The following KLRD1 variants were observed in gnomAD, a reference collection of about 807,000 sequenced individuals.
The protein encoded by KLRD1 is natural killer cells antigen CD94.
A neutral mutation model predicts 22.6 loss-of-function variants in KLRD1; 21 were observed. The observed-to-expected ratio is 0.93, with a 90% CI of 0.66 to 1.34. The LOEUF is 1.34. Among genes scored for constraint, KLRD1 ranks in the 40% most tolerant of loss-of-function variants. The pLI is 0.00. For missense variants in KLRD1, 183 were observed against 208.6 expected, an observed-to-expected ratio of 0.88 and a Z score of 0.76; for synonymous variants, 59 against 71.1, an observed-to-expected ratio of 0.83 and a Z score of 0.85.
intron 1 of KLRD1, among the ~76,000 whole-genome samples, chr12:10,281,887 C>G (rs1294498060): frequency 1.3e-5 from 2 of 152,098 alleles, no homozygotes; most frequent in African/African-American, 4.8e-5. Flanking sequence ...TGAGGGAAAC[C>G]TTGGTCATAA....
chr12:10,266,482 T>C (rs1949500116), intron 1 of KLRD1, among the ~76,000 whole-genome samples: 1 of 152,130 alleles, frequency 6.6e-6, no homozygotes, highest in African/African-American at 2.4e-5. Context: ...TATTTAACTG[T>C]TATACTTTTG....
intron 1 of KLRD1, among the ~76,000 whole-genome samples, chr12:10,246,457 A>G (rs1949292129): frequency 6.6e-6 from 1 of 152,192 alleles, no homozygotes; most frequent in Admixed American, 6.5e-5. Flanking sequence ...TACAGTTCAG[A>G]ATTATCCTCT....
rs1452046103 is a variant in KLRD1 at position 10,309,813 on chromosome 12, G to C, written c.163+125G>C. ...AATAGAAATTTGCCTACCAGTGTAG[G>C]ATAGTCTCATTTTACATTGCTCAAT... On this transcript the variant is annotated intron_variant, in intron 3 of 5. Transcript: ENST00000336164. 4.4e-6 allele frequency: 3 copies of C among 676,044 alleles called. No homozygotes were observed. The East Asian group carries it at 8.1e-5, about 18-fold the overall frequency. The allele number at this position is 676,044 out of a possible 1,614,324, so 41.9% of individuals were successfully genotyped here.
rs2137756149 is a variant in KLRD1 at position 10,326,250 on chromosome 12, T to C, written c.*11457T>C. ...TATGATTTGCAATTATTTTCTCCCA[T>C]TCTGTAGATCATCCTTTCATTCCAT... On this transcript the variant is annotated 3_prime_UTR_variant, in exon 6 of 6. Transcript: ENST00000336164. The C allele has an allele frequency of 6.6e-6, 1 of 152,312 alleles. No individual in the cohort carries two copies. Among genetic ancestry groups the C allele is most frequent in the Middle Eastern group, 3.4e-3 (1 of 294 alleles). The allele number at this position is 152,312 out of a possible 1,614,324, so 9.4% of individuals were successfully genotyped here.
chr12:10,247,018 C>T (rs1189024770), intron 1 of KLRD1, among the ~76,000 whole-genome samples: 3 of 150,008 alleles, frequency 2.0e-5, no homozygotes, highest in African/African-American at 4.9e-5. Context: ...CTGCAACCTC[C>T]GCCTCCTGGG....
intron 1 of KLRD1, among the ~76,000 whole-genome samples, chr12:10,278,607 A>G (rs1302410060): frequency 6.6e-6 from 1 of 152,216 alleles, no homozygotes; most frequent in Admixed American, 6.5e-5. Flanking sequence ...TAACTTGTGT[A>G]TGCTATATAA....
At chr12:10,252,583 G>T (rs1470393409) in intron 1 of KLRD1, among the ~76,000 whole-genome samples, 1 of 152,122 alleles carries the variant, frequency 6.6e-6, no homozygotes, top group South Asian at 2.1e-4. Context: ...TGTTACTTAA[G>T]ATTTGAATTC....
Position 10,241,995 on chromosome 12 carries a change from G to T in KLRD1, c.-101+15762G>T, listed in dbSNP as rs915164317. On this transcript the variant is annotated intron_variant, in intron 1 of 5. Coordinates refer to the KLRD1 transcript ENST00000544747. The stretch of plus-strand genomic sequence containing the variant: ...GTTGCTGTATTCTTATAGGTCATTC[G>T]ATTCCTCTTGTTGAACTGGAGAAAC... Among the ~76,000 whole-genome samples, 3 of 149,980 alleles carry T rather than the reference G, an allele frequency of 2.0e-5. No individual in the cohort carries two copies. The Admixed American group carries it at 2.0e-4, about 10-fold the overall frequency.
chr12:10,275,456 C>T (rs981151266), intron 1 of KLRD1, among the ~76,000 whole-genome samples: 11 of 152,202 alleles, frequency 7.2e-5, no homozygotes, highest in Non-Finnish European at 1.0e-4. Flanking sequence ...TCTTTTTAAC[C>T]GGTGGTGGTG....
At chr12:10,289,068 G>A (rs1362782631) in intron 1 of KLRD1, among the ~76,000 whole-genome samples, 1 of 152,140 alleles carries the variant, frequency 6.6e-6, no homozygotes, top group Non-Finnish European at 1.5e-5. Context: ...TTGCAATGTA[G>A]ACAGTTTTGC....
chr12:10,310,415 T>C (rs61242400), intron 3 of KLRD1, among the ~76,000 whole-genome samples: 53,582 of 152,142 alleles, frequency 0.35, 9,563 homozygotes, highest in East Asian at 0.49. Context: ...GCAGAGCCAC[T>C]GCGCCCGGCC....
intron 1 of KLRD1, among the ~76,000 whole-genome samples, chr12:10,264,682 C>CTGTGTGTGCG (rs1949483919): frequency 6.7e-6 from 1 of 149,764 alleles, no homozygotes; most frequent in Non-Finnish European, 1.5e-5. Context: ...TAGTTACCTT[C>CTGTGTGTGCG]TGTGTGTGTG....
intron 1 of KLRD1, among the ~76,000 whole-genome samples, chr12:10,259,445 T>A (rs537908927): frequency 6.6e-6 from 1 of 152,314 alleles, no homozygotes; most frequent in Admixed American, 6.5e-5. Flanking sequence ...TTATAAGAAA[T>A]TTAGAGCTTT....
chr12:10,313,546 C>T (rs779521263), intron 5 of KLRD1, 33 bp downstream of exon 5: 1 of 1,320,728 alleles, frequency 7.6e-7, no homozygotes, highest in South Asian at 1.3e-5. Context: ...GTTTTTTGCT[C>T]TTTATGAATT....
chr12:10,272,152 T>C (rs1214564289), intron 1 of KLRD1, among the ~76,000 whole-genome samples: 2 of 152,190 alleles, frequency 1.3e-5, no homozygotes, highest in African/African-American at 4.8e-5. Flanking sequence ...CCTCTTATAG[T>C]TGAATTTAAT....
intron 1 of KLRD1, among the ~76,000 whole-genome samples, chr12:10,297,885 T>G (rs1949835821): frequency 6.6e-6 from 1 of 152,206 alleles, no homozygotes; most frequent in African/African-American, 2.4e-5. Context: ...TATGCTCTGG[T>G]CACTTAGCAC....
In KLRD1 at chr12:10,317,707, C is replaced by G. The variant is rs551518947; in HGVS notation, c.*2914C>G. ...ATGCCACCGGCCCAGGTAGCCGTTG[C>G]TCACCCACAACATTAGTGTATTAGT... On this transcript the variant is annotated 3_prime_UTR_variant, in exon 6 of 6. Transcript: ENST00000336164. 6.6e-6 allele frequency: 1 copy of G among 152,294 alleles called. No homozygotes were observed. The highest frequency in any genetic ancestry group is 2.4e-5 in the African/African-American group (1 of 41,554). 9.4% of individuals were successfully genotyped at this position (152,294 alleles called of 1,614,324 possible).
At chr12:10,240,066 C>CT (rs879803613) in intron 1 of KLRD1, among the ~76,000 whole-genome samples, 179 of 143,588 alleles carry the variant, frequency 1.2e-3, no homozygotes, top group African/African-American at 3.2e-3. Context: ...TACTTTCTTT[C>CT]TTTTTTTTTT....
chr12:10,246,781 A>G (rs1054333828), intron 1 of KLRD1, among the ~76,000 whole-genome samples: 3 of 152,130 alleles, frequency 2.0e-5, no homozygotes, highest in Non-Finnish European at 4.4e-5. Context: ...TGTTTTGGCT[A>G]TGTTTAGATA....
Sources: gnomAD v4.1 joint callset for allele counts (sites outside exome capture counted in the v4.1 genomes callset) on GRCh38, gnomAD v4.1.1 for gene constraint, MANE v1.5 for transcripts, NCBI Gene and HGNC (gene_info 2026-07-23, HGNC 2026-07-21) for gene names.